The following PLCXD2 variants were observed in gnomAD, a reference collection of about 807,000 sequenced individuals.
The protein encoded by PLCXD2 is PI-PLC X domain-containing protein 2.
Under a neutral mutation model 28.6 loss-of-function variants are expected in PLCXD2, and 21 were observed. The ratio of observed to expected loss-of-function variants is 0.73; its 90% confidence interval spans 0.52 to 1.06. The LOEUF (loss-of-function observed/expected upper bound fraction) is 1.06, where lower values mean the gene tolerates loss of function less well. Ranked by LOEUF, PLCXD2 falls within the 50% of genes least tolerant of loss-of-function variation. The pLI is 0.00. For missense variants in PLCXD2, 369 were observed against 376.7 expected, an observed-to-expected ratio of 0.98 and a Z score of 0.17; for synonymous variants, 140 against 150.1, an observed-to-expected ratio of 0.93 and a Z score of 0.49.
chr3:111,711,013 TG>T (rs1255442943), intron 2 of PLCXD2, among the ~76,000 whole-genome samples: 1 of 152,246 alleles, frequency 6.6e-6, no homozygotes, highest in East Asian at 1.9e-4. Flanking sequence ...GGAAAGAGAC[TG>T]TGATGATATC....
chr3:111,691,698 C>T (rs1359044644), intron 1 of PLCXD2, among the ~76,000 whole-genome samples: 1 of 152,200 alleles, frequency 6.6e-6, no homozygotes, highest in Non-Finnish European at 1.5e-5. Flanking sequence ...ATACTATCAT[C>T]CCCAGAGTAT....
At chr3:111,689,047 T>C (rs1446800025) in intron 1 of PLCXD2, among the ~76,000 whole-genome samples, 1 of 152,044 alleles carries the variant, frequency 6.6e-6, no homozygotes, top group Non-Finnish European at 1.5e-5. Context: ...ATAAAGTAAA[T>C]AAAAGCAGAA....
chr3:111,721,242 G>A (rs1355566660), intron 3 of PLCXD2: 4 of 156,140 alleles, frequency 2.6e-5, no homozygotes, highest in African/African-American at 9.6e-5. Flanking sequence ...CGTCTGGGGT[G>A]TTGTGTTTGA....
chr3:111,695,380 G>A (rs1223090774), intron 1 of PLCXD2, among the ~76,000 whole-genome samples: 1 of 152,124 alleles, frequency 6.6e-6, no homozygotes. Context: ...ACATGCCTAT[G>A]ATAAAGTTTA....
chr3:111,725,363 C>T (rs1941401684), intron 3 of PLCXD2: 2 of 328,828 alleles, frequency 6.1e-6, no homozygotes, highest in East Asian at 4.5e-5. Context: ...GGCACCATAG[C>T]GTTGTCACTT....
intron 1 of PLCXD2, among the ~76,000 whole-genome samples, chr3:111,706,422 TC>T (rs1941119099): frequency 6.6e-6 from 1 of 152,210 alleles, no homozygotes; most frequent in Non-Finnish European, 1.5e-5. Flanking sequence ...GTGTTTGAAG[TC>T]TTAGCTGTGA....
intron 3 of PLCXD2, chr3:111,721,352 G>A (rs1413582711): frequency 2.6e-5 from 4 of 152,142 alleles, no homozygotes; most frequent in Non-Finnish European, 5.9e-5. Flanking sequence ...ATCAACCAGG[G>A]GCTCTGAGGG....
intron 1 of PLCXD2, among the ~76,000 whole-genome samples, chr3:111,691,863 G>A (rs1940883048): frequency 6.6e-6 from 1 of 152,172 alleles, no homozygotes; most frequent in African/African-American, 2.4e-5. Flanking sequence ...TTGTAGCACA[G>A]GTCAAATGAG....
At chr3:111,696,092 A>G (rs7630578) in intron 1 of PLCXD2, among the ~76,000 whole-genome samples, 7,806 of 152,302 alleles carry the variant, frequency 0.051, 337 homozygotes, top group African/African-American at 0.12. Flanking sequence ...CTCTGATTCA[A>G]TTCCATTGGA....
At chr3:111,676,523 C>G (rs924661191) in intron 1 of PLCXD2, among the ~76,000 whole-genome samples, 2 of 152,024 alleles carry the variant, frequency 1.3e-5, no homozygotes, top group Non-Finnish European at 2.9e-5. Flanking sequence ...TTTTGGGTGT[C>G]TTCCAGGTTC....
intron 1 of PLCXD2, among the ~76,000 whole-genome samples, chr3:111,686,636 C>G (rs1209560151): frequency 6.6e-6 from 1 of 152,146 alleles, no homozygotes; most frequent in Non-Finnish European, 1.5e-5. Flanking sequence ...GATGCCTCAG[C>G]CTTTCTCTAC....
In PLCXD2 at chr3:111,713,994, C is replaced by G; in HGVS notation, c.732C>G (p.Ile244Met). The G allele has an allele frequency of 6.2e-7, 1 of 1,614,188 alleles. No homozygotes were observed. The highest frequency in any genetic ancestry group is 8.5e-7 in the Non-Finnish European group (1 of 1,180,044). Residue 244 changes from isoleucine to methionine, a missense_variant, in exon 3 of 5, where the codon ATC (isoleucine) becomes ATG (methionine). Physicochemically the swap from Ile to Met is conservative, Grantham distance 10 (BLOSUM62 1). Transcript: ENST00000477665. ...ACACCACAAGTGTGCGCAAACTAAT[C>G]CTCTTCTTGGAGACCACTCTGAGTG...
chr3:111,676,889 CTTG>C (rs948684360), intron 1 of PLCXD2: 2 of 152,274 alleles, frequency 1.3e-5, no homozygotes, highest in African/African-American at 2.4e-5. Context: ...TTCCTCCTTC[CTTG>C]TTGTACTTTG....
intron 2 of PLCXD2, among the ~76,000 whole-genome samples, chr3:111,711,364 A>G (rs1941197676): frequency 6.6e-6 from 1 of 152,226 alleles, no homozygotes; most frequent in Non-Finnish European, 1.5e-5. Context: ...AGATCGTGCC[A>G]TTGCCCTCCA....
intron 2 of PLCXD2, among the ~76,000 whole-genome samples, 171 bp downstream of exon 2, chr3:111,708,557 G>A (rs1196337517): frequency 1.3e-5 from 2 of 152,108 alleles, no homozygotes; most frequent in Non-Finnish European, 2.9e-5. Flanking sequence ...TAGGTTCAAG[G>A]GCCAGGGCTA....
At chr3:111,703,463 C>T (rs945444411) in intron 1 of PLCXD2, among the ~76,000 whole-genome samples, 2 of 152,208 alleles carry the variant, frequency 1.3e-5, no homozygotes, top group African/African-American at 2.4e-5. Context: ...GTTAGCACAT[C>T]TCCCTCTGGA....
chr3:111,687,920 G>A (rs535331619), intron 1 of PLCXD2, among the ~76,000 whole-genome samples: 12 of 152,008 alleles, frequency 7.9e-5, no homozygotes, highest in Admixed American at 2.0e-4. Flanking sequence ...CGATCCTCTC[G>A]CAATGACCTC....
At chr3:111,695,408 A>G (rs929313969) in intron 1 of PLCXD2, among the ~76,000 whole-genome samples, 4 of 152,232 alleles carry the variant, frequency 2.6e-5, no homozygotes, top group Non-Finnish European at 5.9e-5. Flanking sequence ...AATTGGGCAC[A>G]GTAAGAGATT....
chr3:111,711,931 A>C (rs1481838065), intron 2 of PLCXD2, among the ~76,000 whole-genome samples: 2 of 152,220 alleles, frequency 1.3e-5, no homozygotes, highest in African/African-American at 4.8e-5. Flanking sequence ...CCATCAAGGA[A>C]TCGTTCTTGA....
Sources: gnomAD v4.1 joint callset for allele counts (sites outside exome capture counted in the v4.1 genomes callset) on GRCh38, gnomAD v4.1.1 for gene constraint, MANE v1.5 for transcripts, NCBI Gene and HGNC (gene_info 2026-07-23, HGNC 2026-07-21) for gene names.